Variants in RANBP10 observed in about 807,000 individuals in gnomAD.
The protein encoded by RANBP10 is ran-binding protein 10.
RANBP10 carries 24 observed loss-of-function variants against 72.8 expected under a neutral mutation model. The ratio of observed to expected loss-of-function variants is 0.33; its 90% CI spans 0.24 to 0.46. The LOEUF (loss-of-function observed/expected upper bound fraction) is 0.46, where lower values mean the gene tolerates loss of function less well. Among genes scored for constraint, RANBP10 ranks in the 20% least tolerant of loss-of-function variants. RANBP10 has a pLI of 1.00. For missense variants in RANBP10, 679 were observed against 817.5 expected, an observed-to-expected ratio of 0.83 and a Z score of 2.07; for synonymous variants, 310 against 322.3, an observed-to-expected ratio of 0.96 and a Z score of 0.41.
intron 4 of RANBP10, among the ~76,000 whole-genome samples, chr16:67,742,860 A>G (rs1041555774): frequency 2.6e-5 from 4 of 152,342 alleles, no homozygotes; most frequent in African/African-American, 7.2e-5. Context: ...TGCAGAGTGG[A>G]GAGTGAAGAG....
At chr16:67,749,683 G>C (rs150383159) in intron 3 of RANBP10, among the ~76,000 whole-genome samples, 1 of 152,304 alleles carries the variant, frequency 6.6e-6, no homozygotes, top group South Asian at 2.1e-4. Flanking sequence ...TTTTGGGACA[G>C]AACAATGCCC....
chr16:67,738,093 A>G, intron 4 of RANBP10, 58 bp from the exon 5 acceptor site: 1 of 1,510,310 alleles, frequency 6.6e-7, no homozygotes, highest in Admixed American at 2.2e-5. Flanking sequence ...CTGCCTCTGC[A>G]CCCCATGGTG....
intron 5 of RANBP10, 32 bp from the exon 6 acceptor site, chr16:67,735,074 C>G: frequency 6.4e-7 from 1 of 1,552,456 alleles, no homozygotes. Context: ...CAGTCAGGCC[C>G]TGAGGGCAGT....
intron 3 of RANBP10, among the ~76,000 whole-genome samples, chr16:67,746,707 G>A (rs1363609990): frequency 6.6e-6 from 1 of 152,148 alleles, no homozygotes; most frequent in African/African-American, 2.4e-5. Context: ...TCCATTCCCA[G>A]TCCCCGGCAA....
At chr16:67,796,439 C>T (rs2055136356) in intron 2 of RANBP10, among the ~76,000 whole-genome samples, 1 of 152,112 alleles carries the variant, frequency 6.6e-6, no homozygotes, top group South Asian at 2.1e-4. Flanking sequence ...ATAAGCTGAG[C>T]CCTCAACCAT....
In RANBP10 at chr16:67,754,562, G is replaced by T. The variant is rs561765458; in HGVS notation, c.401-10107C>A. 7.2e-5 allele frequency among the ~76,000 whole-genome samples: 11 copies of T among 152,320 alleles called. No homozygotes were observed. The South Asian group carries it at 1.9e-3, about 26-fold the overall frequency. Reference sequence around the variant, plus strand: ...CCTGCTCCCCAGGCCTTGAGAAGTTGTACAGTGGAGAGGAACTGGCACTAC... The same window carrying T: ...CCTGCTCCCCAGGCCTTGAGAAGTTTTACAGTGGAGAGGAACTGGCACTAC... On this transcript the variant is annotated intron_variant, in intron 3 of 13. Transcript: ENST00000317506.
At chr16:67,742,520 A>G (rs1482291613) in intron 4 of RANBP10, among the ~76,000 whole-genome samples, 1 of 152,216 alleles carries the variant, frequency 6.6e-6, no homozygotes, top group East Asian at 1.9e-4. Context: ...AAGGAGATGG[A>G]TGTCTAAAAA....
chr16:67,789,309 CAA>C (rs1212571635), intron 2 of RANBP10, among the ~76,000 whole-genome samples: 23 of 129,914 alleles, frequency 1.8e-4, no homozygotes, highest in African/African-American at 2.0e-4. Flanking sequence ...GACTCCATCT[CAA>C]AAAAAAAAAA....
chr16:67,776,823 C>CT (rs1379427698), intron 2 of RANBP10, among the ~76,000 whole-genome samples: 13 of 151,758 alleles, frequency 8.6e-5, no homozygotes, highest in Admixed American at 1.3e-4. Flanking sequence ...ATAAGTTACT[C>CT]TATTTCTCAC....
intron 2 of RANBP10, among the ~76,000 whole-genome samples, chr16:67,788,080 A>T (rs1016337891): frequency 2.0e-5 from 3 of 151,710 alleles, no homozygotes; most frequent in African/African-American, 7.3e-5. Context: ...CTCATGATCC[A>T]CCCGCCTCAG....
At chr16:67,738,102 T>C (rs2053892790) in intron 4 of RANBP10, 67 bp from the exon 5 acceptor site, 2 of 1,482,554 alleles carry the variant, frequency 1.3e-6, no homozygotes, top group Non-Finnish European at 1.8e-6. Flanking sequence ...CACCCCATGG[T>C]GGAGCCAGTG....
chr16:67,771,357 T>A (rs117251799), intron 3 of RANBP10, among the ~76,000 whole-genome samples: 1,652 of 152,152 alleles, frequency 0.011, 20 homozygotes, highest in Non-Finnish European at 0.014. Flanking sequence ...ATTTTATTTT[T>A]TTTTTTGAGA....
chr16:67,747,812 CTTTT>C (rs2054113790), intron 3 of RANBP10, among the ~76,000 whole-genome samples: 1 of 136,628 alleles, frequency 7.3e-6, no homozygotes, highest in South Asian at 2.4e-4. Context: ...GCCTCATTTT[CTTTT>C]CTTTTTTTTT....
chr16:67,792,912 C>T (rs1025294473), intron 2 of RANBP10, among the ~76,000 whole-genome samples: 13 of 152,052 alleles, frequency 8.5e-5, no homozygotes, highest in African/African-American at 2.4e-4. Flanking sequence ...TATCAAAGCA[C>T]CCCGAGAGAT....
chr16:67,732,304 C>A (rs147093208), intron 6 of RANBP10, among the ~76,000 whole-genome samples: 36 of 152,308 alleles, frequency 2.4e-4, no homozygotes, highest in African/African-American at 8.7e-4. Context: ...AAGTCTGACT[C>A]CCTGTAGCCA....
At chr16:67,744,988 TA>T (rs900477098) in intron 3 of RANBP10, among the ~76,000 whole-genome samples, 6 of 151,746 alleles carry the variant, frequency 4.0e-5, no homozygotes, top group Non-Finnish European at 8.8e-5. Context: ...AACGCCCGGC[TA>T]ATTTTTTTTT....
At chr16:67,781,884 G>C (rs2054819704) in intron 2 of RANBP10, among the ~76,000 whole-genome samples, 1 of 152,124 alleles carries the variant, frequency 6.6e-6, no homozygotes. Context: ...AGGCAGCAAA[G>C]GCCCACAGGT....
intron 1 of RANBP10, 101 bp from the exon 2 acceptor site, chr16:67,805,640 GC>G: frequency 1.1e-6 from 1 of 900,186 alleles, no homozygotes; most frequent in Non-Finnish European, 1.8e-6. Flanking sequence ...CTCCTCTGTG[GC>G]CAGAGGACGC....
In RANBP10 at chr16:67,806,340, A is replaced by G. The variant is rs770665443; in HGVS notation, c.197T>C (p.Ile66Thr). ...GCGGAGGTTGCCCTGGGAGAGACCA[A>G]TGTAGTTGTATTTGTCCTTGGGGCT... ...SWSPKDKYNYIGLSQGNLRVH... is the reference protein window; with the variant it reads ...SWSPKDKYNYTGLSQGNLRVH... The change falls in exon 1 of 14, where the codon ATT (isoleucine) becomes ACT (threonine). Residue 66 changes from isoleucine (I) to threonine (T), a missense_variant. Ile to Thr is a moderately conservative substitution (Grantham distance 89). Transcript: ENST00000317506. 1.2e-6 allele frequency: 2 copies of G among 1,613,480 alleles called. No homozygotes were observed. Among genetic ancestry groups the G allele is most frequent in the Non-Finnish European group, 1.7e-6 (2 of 1,179,744 alleles).
Sources: gnomAD v4.1 joint callset for allele counts (sites outside exome capture counted in the v4.1 genomes callset) on GRCh38, gnomAD v4.1.1 for gene constraint, MANE v1.5 for transcripts, NCBI Gene and HGNC (gene_info 2026-07-23, HGNC 2026-07-21) for gene names.